Variants in FOXN3 observed in about 807,000 individuals in gnomAD.
The protein encoded by FOXN3 is forkhead box protein N3.
Under a neutral mutation model 38.4 loss-of-function variants are expected in FOXN3, and 7 were observed. That is an observed-to-expected ratio of 0.18 (90% CI 0.10 to 0.34). The LOEUF (loss-of-function observed/expected upper bound fraction) is 0.34. Ranked by LOEUF, FOXN3 falls within the 10% of genes least tolerant of loss-of-function variation. The pLI, the probability that FOXN3 is intolerant of heterozygous loss-of-function variation, is 1.00. For missense variants in FOXN3, 456 were observed against 613.4 expected, an observed-to-expected ratio of 0.74 and a Z score of 2.71; for synonymous variants, 230 against 242.2, an observed-to-expected ratio of 0.95 and a Z score of 0.47.
At chr14:89,290,649 G>A (rs1217860235) in intron 3 of FOXN3, 2 of 461,332 alleles carry the variant, frequency 4.3e-6, no homozygotes, top group Non-Finnish European at 8.5e-6. Flanking sequence ...CTTGAACACG[G>A]GTGCATGTTG....
intron 3 of FOXN3, among the ~76,000 whole-genome samples, chr14:89,292,800 C>A (rs914224403): frequency 6.6e-6 from 1 of 152,154 alleles, no homozygotes; most frequent in Non-Finnish European, 1.5e-5. Flanking sequence ...CTAAGACGAG[C>A]GGTCACTGCC....
intron 3 of FOXN3, among the ~76,000 whole-genome samples, chr14:89,297,084 A>G (rs927675504): frequency 3.9e-5 from 6 of 152,060 alleles, no homozygotes; most frequent in Non-Finnish European, 7.4e-5. Flanking sequence ...CTTTTCAAAC[A>G]TAAGTGGAAT....
chr14:89,433,016 T>G (rs191469756), intron 1 of FOXN3, among the ~76,000 whole-genome samples: 17 of 152,276 alleles, frequency 1.1e-4, no homozygotes, highest in Non-Finnish European at 1.9e-4. Flanking sequence ...CTAATCATAG[T>G]CACCCTTTCT....
chr14:89,168,430 A>G (rs944776364), intron 5 of FOXN3, among the ~76,000 whole-genome samples: 1 of 152,220 alleles, frequency 6.6e-6, no homozygotes, highest in Non-Finnish European at 1.5e-5. Flanking sequence ...CAGGGGATCA[A>G]GACTAGCCTG....
chr14:89,299,665 C>T (rs1035503890), intron 3 of FOXN3, among the ~76,000 whole-genome samples: 3 of 152,156 alleles, frequency 2.0e-5, no homozygotes, highest in African/African-American at 4.8e-5. Context: ...CCACTTTGGC[C>T]GTGCTGACCC....
At chr14:89,528,410 G>GCAAAAAAAAAAAA (rs1894478634) in intron 1 of FOXN3, among the ~76,000 whole-genome samples, 10 of 31,506 alleles carry the variant, frequency 3.2e-4, no homozygotes, top group African/African-American at 1.2e-3. Flanking sequence ...TTTTTTTTTT[G>GCAAAAAAAAAAAA]AAAAAGAAAG....
intron 1 of FOXN3, among the ~76,000 whole-genome samples, chr14:89,460,376 A>C (rs1892819482): frequency 6.6e-6 from 1 of 152,178 alleles, no homozygotes; most frequent in South Asian, 2.1e-4. Flanking sequence ...AAACTCAAGG[A>C]AACATCTAAA....
chr14:89,603,681 A>C (rs770152936), intron 1 of FOXN3, among the ~76,000 whole-genome samples: 1 of 152,240 alleles, frequency 6.6e-6, no homozygotes, highest in Non-Finnish European at 1.5e-5. Flanking sequence ...TGCTGGACAA[A>C]ATATTTCCTC....
intron 4 of FOXN3, among the ~76,000 whole-genome samples, chr14:89,254,286 TCCTG>T (rs1438806852): frequency 6.6e-6 from 1 of 152,230 alleles, no homozygotes; most frequent in Non-Finnish European, 1.5e-5. Context: ...CGCCATGCTA[TCCTG>T]CCTTCTGCAA....
Position 89,157,947 on chromosome 14 carries a change from ATAC to A in FOXN3, c.*4464_*4466del, listed in dbSNP as rs1887016784. 6.6e-6 allele frequency: 1 copy of A among 152,636 alleles called. No homozygotes were observed. Among genetic ancestry groups the A allele is most frequent in the Non-Finnish European group, 1.5e-5 (1 of 68,038 alleles). 9.5% of individuals were successfully genotyped at this position (152,636 alleles called of 1,614,324 possible). ...AAAAAATCCTGAAGATGAAAGAAAA[ATAC>A]TTCTCTACAGAAACATAAAAATCAA... On this transcript the variant is annotated 3_prime_UTR_variant, in exon 6 of 6. Transcript: ENST00000557258.
intron 3 of FOXN3, among the ~76,000 whole-genome samples, chr14:89,316,831 C>CT (rs1887733395): frequency 1.3e-5 from 2 of 152,008 alleles, no homozygotes; most frequent in South Asian, 2.1e-4. Flanking sequence ...CGCCTGGCTA[C>CT]TTTTTGTATT....
At chr14:89,506,987 G>A (rs1893954273) in intron 1 of FOXN3, among the ~76,000 whole-genome samples, 1 of 152,098 alleles carries the variant, frequency 6.6e-6, no homozygotes, top group Admixed American at 6.5e-5. Flanking sequence ...CACAAACACT[G>A]CGCAAGGCCG....
chr14:89,544,231 C>T (rs537780254), intron 1 of FOXN3, among the ~76,000 whole-genome samples: 19 of 151,748 alleles, frequency 1.3e-4, no homozygotes, highest in African/African-American at 4.1e-4. Flanking sequence ...TTAGTAGAGA[C>T]GGGGTTTCAC....
intron 2 of FOXN3, 181 bp from the exon 3 acceptor site, chr14:89,350,989 T>C (rs1888944696): frequency 2.4e-6 from 1 of 413,478 alleles, no homozygotes; most frequent in Non-Finnish European, 4.2e-6. Flanking sequence ...ATCTTACTTG[T>C]ATTATGTTTG....
chr14:89,284,527 G>A (rs563891860), intron 3 of FOXN3: 9 of 456,002 alleles, frequency 2.0e-5, no homozygotes, highest in South Asian at 1.4e-4. Context: ...CCTTCCCTGT[G>A]GAAGAAGGCT....
intron 1 of FOXN3, among the ~76,000 whole-genome samples, chr14:89,500,736 G>C (rs1397149960): frequency 6.6e-6 from 1 of 152,206 alleles, no homozygotes; most frequent in East Asian, 1.9e-4. Context: ...CCTGCCGGCT[G>C]GTGAGAGGTG....
chr14:89,166,839 G>A (rs1265710932), intron 5 of FOXN3, among the ~76,000 whole-genome samples: 1 of 152,194 alleles, frequency 6.6e-6, no homozygotes, highest in African/African-American at 2.4e-5. Context: ...TATTCACGAT[G>A]GTGCAAGCCA....
chr14:89,199,043 A>C (rs1888169005), intron 4 of FOXN3, among the ~76,000 whole-genome samples: 1 of 152,230 alleles, frequency 6.6e-6, no homozygotes, highest in Non-Finnish European at 1.5e-5. Context: ...CAATCAATCA[A>C]GATATCTATA....
At chr14:89,494,048 T>G (rs964142547) in intron 1 of FOXN3, 1 of 152,208 alleles carries the variant, frequency 6.6e-6, no homozygotes, top group Non-Finnish European at 1.5e-5. Flanking sequence ...AGAAGGGGAA[T>G]GCCGCAACCC....
Sources: allele counts gnomAD v4.1 joint callset (sites outside exome capture counted in the v4.1 genomes callset), GRCh38; gene constraint gnomAD v4.1.1; transcripts MANE v1.5; gene names NCBI Gene and HGNC (gene_info 2026-07-23, HGNC 2026-07-21).